Variants in CGNL1 observed in about 807,000 individuals in gnomAD.
The protein encoded by CGNL1 is cingulin like 1, also known as cingulin-like protein 1.
Under a neutral mutation model 141.2 loss-of-function variants are expected in CGNL1, and 132 were observed. The ratio of observed to expected loss-of-function variants is 0.93; its 90% confidence interval spans 0.81 to 1.08. The LOEUF is 1.08. Ranked by LOEUF, CGNL1 falls within the 50% of genes least tolerant of loss-of-function variation. The pLI, the probability that CGNL1 is intolerant of heterozygous loss-of-function variation, is 0.00. For synonymous variants in CGNL1, 690 were observed against 622.1 expected, an observed-to-expected ratio of 1.11 and a Z score of -1.63; for missense variants, 1,870 against 1,588.6, an observed-to-expected ratio of 1.18 and a Z score of -3.01.
At chr15:57,401,348 C>A (rs748627863) in intron 1 of CGNL1, among the ~76,000 whole-genome samples, 1 of 152,120 alleles carries the variant, frequency 6.6e-6, no homozygotes, top group African/African-American at 2.4e-5. Context: ...TGAGCCAGTG[C>A]GCCCAGCTGC....
chr15:57,541,346 C>T (rs1401059334), intron 14 of CGNL1, among the ~76,000 whole-genome samples: 2 of 152,256 alleles, frequency 1.3e-5, no homozygotes, highest in Non-Finnish European at 2.9e-5. Flanking sequence ...AGTCCCGTGG[C>T]CCAGCTGTTC....
At chr15:57,457,478 A>C (rs1460586873) in intron 7 of CGNL1, among the ~76,000 whole-genome samples, 1 of 152,202 alleles carries the variant, frequency 6.6e-6, no homozygotes, top group African/African-American at 2.4e-5. Context: ...CCTTCCAGCC[A>C]AACACAGTGC....
At chr15:57,499,060 G>A (rs1484931424) in intron 8 of CGNL1, among the ~76,000 whole-genome samples, 1 of 152,080 alleles carries the variant, frequency 6.6e-6, no homozygotes, top group Non-Finnish European at 1.5e-5. Flanking sequence ...TCCTGCCCCA[G>A]TGTGTGGGGA....
chr15:57,522,251 A>C (rs1008985801), intron 10 of CGNL1, among the ~76,000 whole-genome samples: 1 of 152,242 alleles, frequency 6.6e-6, no homozygotes. Context: ...AAGTGCAGCC[A>C]GCCCAACAGA....
intron 14 of CGNL1, among the ~76,000 whole-genome samples, chr15:57,542,962 C>G (rs193011791): frequency 6.6e-6 from 1 of 152,294 alleles, no homozygotes; most frequent in African/African-American, 2.4e-5. Flanking sequence ...TCATAGGATC[C>G]TACCTGTGGA....
rs1422068774 is a variant in CGNL1, at chr15:57,531,624, G to A, written c.3202-66G>A. 4.0e-6 allele frequency: 4 copies of A among 996,676 alleles called. No individual in the cohort carries two copies. The African/African-American group carries it at 4.8e-5, about 12-fold the overall frequency. 61.7% of individuals were successfully genotyped at this position (996,676 alleles called of 1,614,324 possible). A position where few individuals can be genotyped will look rare whatever the true frequency, so the allele number is the denominator to read the frequency against. On this transcript the variant is annotated intron_variant, in intron 13 of 18. Transcript: ENST00000281282. ...GCCCTTAGGATTGTTTCTCTGTGGG[G>A]GAGCCTTTGCTGTTAATCCCGGTCA...
intron 10 of CGNL1, among the ~76,000 whole-genome samples, chr15:57,521,774 A>C (rs2031274097): frequency 6.6e-6 from 1 of 151,908 alleles, no homozygotes; most frequent in African/African-American, 2.4e-5. Context: ...ATGGAGGCTG[A>C]GTAGAGCTGG....
chr15:57,418,928 G>A, intron 1 of CGNL1, among the ~76,000 whole-genome samples: 1 of 58,588 alleles, frequency 1.7e-5, no homozygotes, highest in African/African-American at 4.9e-5. Flanking sequence ...TTCACTGCCT[G>A]GTGCCTTTTT....
At chr15:57,505,373 C>A (rs1333722627) in intron 8 of CGNL1, among the ~76,000 whole-genome samples, 1 of 152,188 alleles carries the variant, frequency 6.6e-6, no homozygotes, top group Non-Finnish European at 1.5e-5. Context: ...TTGTTACTTG[C>A]ACAAAACCTC....
chr15:57,515,437 C>G lies in CGNL1; in HGVS notation c.2404-1343C>G, dbSNP rs116150056. Among the ~76,000 whole-genome samples, 627 of 152,340 alleles carry G rather than the reference C, an allele frequency of 4.1e-3. 4 individuals carry two copies. Among genetic ancestry groups the G allele is most frequent in the African/African-American group, 0.015 (609 of 41,566 alleles). The stretch of plus-strand genomic sequence containing the variant: ...AGGCTATATAAGTGAGCAGTTCTAG[C>G]AGATACTTCTCCCACATGGTCGGTG... On this transcript the variant is annotated intron_variant, in intron 8 of 18. Coordinates refer to ENST00000281282, the MANE Select transcript of CGNL1 (RefSeq NM_032866.5).
intron 1 of CGNL1, among the ~76,000 whole-genome samples, chr15:57,392,133 C>G (rs2062550880): frequency 6.6e-6 from 1 of 152,104 alleles, no homozygotes; most frequent in Non-Finnish European, 1.5e-5. Flanking sequence ...GTTTTGTTTT[C>G]CATTTCATGC....
chr15:57,376,753 C>A (rs1239617612), intron 1 of CGNL1, among the ~76,000 whole-genome samples, 186 bp downstream of exon 1: 3 of 150,248 alleles, frequency 2.0e-5, no homozygotes, highest in Admixed American at 6.6e-5. Flanking sequence ...AGATGCGACC[C>A]GGACTCCCGC....
At position 57,480,915 on chromosome 15, in the gene CGNL1, T is replaced by C. The variant is rs143784366; in HGVS notation, c.2403+19023T>C. 9.0e-3 allele frequency among the ~76,000 whole-genome samples: 1,378 copies of C among 152,272 alleles called. 10 individuals carry two copies. The highest frequency in any genetic ancestry group is 0.01 in the African/African-American group (426 of 41,554). On this transcript the variant is annotated intron_variant, in intron 8 of 18. Transcript: ENST00000281282. ...CTCTTGAAACCAACTTTGTTTGATA[T>C]GTCATTGTAGATTTTCTATTATTTC...
intron 1 of CGNL1, among the ~76,000 whole-genome samples, chr15:57,380,691 G>A (rs2062414808): frequency 6.6e-6 from 1 of 152,276 alleles, no homozygotes; most frequent in African/African-American, 2.4e-5. Context: ...CAAAGGGGAG[G>A]TGGGAGGTGG....
At chr15:57,505,672 G>A (rs111978483) in intron 8 of CGNL1, among the ~76,000 whole-genome samples, 4,127 of 152,242 alleles carry the variant, frequency 0.027, 183 homozygotes, top group African/African-American at 0.094. Flanking sequence ...CTTGCCTACC[G>A]AGACCATGTC....
At chr15:57,473,378 T>A (rs2063607489) in intron 8 of CGNL1, among the ~76,000 whole-genome samples, 1 of 152,178 alleles carries the variant, frequency 6.6e-6, no homozygotes, top group Admixed American at 6.5e-5. Flanking sequence ...ATGGAATATG[T>A]CATAAACTCT....
intron 1 of CGNL1, among the ~76,000 whole-genome samples, chr15:57,420,151 A>G (rs1032154863): frequency 4.6e-5 from 7 of 152,210 alleles, no homozygotes; most frequent in South Asian, 4.2e-4. Context: ...CTCATCTTGT[A>G]TATTTCCTGC....
intron 1 of CGNL1, among the ~76,000 whole-genome samples, chr15:57,416,432 C>A (rs1257962682): frequency 2.0e-5 from 3 of 152,232 alleles, no homozygotes; most frequent in Non-Finnish European, 1.5e-5. Flanking sequence ...CCTCTAAGAT[C>A]CCTGGCTAGA....
chr15:57,512,246 T>C (rs1595782034), intron 8 of CGNL1, among the ~76,000 whole-genome samples: 1 of 152,222 alleles, frequency 6.6e-6, no homozygotes, highest in East Asian at 1.9e-4. Context: ...AGAACTTACA[T>C]GTAGTACTTG....
Sources: allele counts gnomAD v4.1 joint callset (sites outside exome capture counted in the v4.1 genomes callset), GRCh38; gene constraint gnomAD v4.1.1; transcripts MANE v1.5; gene names NCBI Gene and HGNC (gene_info 2026-07-23, HGNC 2026-07-21).